SLC14A2: variants seen among roughly 807,000 people sequenced by gnomAD.
SLC14A2 encodes solute carrier family 14 member 2, also known as urea transporter 2.
Under a neutral mutation model 104.6 loss-of-function variants are expected in SLC14A2, and 91 were observed. The observed-to-expected ratio is 0.87, with a 90% CI of 0.73 to 1.04. The LOEUF (loss-of-function observed/expected upper bound fraction) is 1.04. Among genes scored for constraint, SLC14A2 ranks in the 50% least tolerant of loss-of-function variants. The pLI is 0.00. For synonymous variants in SLC14A2, 476 were observed against 466.4 expected (o/e 1.02, Z -0.27); for missense variants, 1,189 against 1,156.0 (o/e 1.03, Z -0.41).
the SLC14A2 span, among the ~76,000 whole-genome samples, chr18:45,200,421 C>A: frequency 1.3e-5 from 2 of 152,130 alleles, no homozygotes; most frequent in East Asian, 3.9e-4. Flanking sequence ...TTTGAAATGG[C>A]AAATAAATGT....
At chr18:45,549,628 T>C (rs2160853) in intron 2 of SLC14A2, among the ~76,000 whole-genome samples, 19,143 of 152,274 alleles carry the variant, frequency 0.13, 1,352 homozygotes, top group African/African-American at 0.17. Flanking sequence ...GCAAAAATGC[T>C]AGTCGGATGC....
chr18:45,216,203 T>A (rs1403386926), intron 1 of SLC14A2, among the ~76,000 whole-genome samples: 2 of 152,240 alleles, frequency 1.3e-5, no homozygotes, highest in African/African-American at 4.8e-5. Context: ...AATAGTTTTT[T>A]AAGTGTGGTT....
At chr18:45,369,643 G>T (rs1240864745) in intron 1 of SLC14A2, among the ~76,000 whole-genome samples, 2 of 152,194 alleles carry the variant, frequency 1.3e-5, no homozygotes, top group Non-Finnish European at 2.9e-5. Context: ...AAGCAAAGCT[G>T]TGAGAAAGGT....
chr18:45,250,735 C>T (rs1325044552), intron 1 of SLC14A2, among the ~76,000 whole-genome samples: 1 of 141,800 alleles, frequency 7.1e-6, no homozygotes, highest in Non-Finnish European at 1.5e-5. Context: ...CAACTGAATC[C>T]TCTGGCTAGT....
chr18:45,242,141 A>G (rs1207040729), intron 1 of SLC14A2, among the ~76,000 whole-genome samples: 1 of 152,098 alleles, frequency 6.6e-6, no homozygotes. Context: ...AGGTGGCTTG[A>G]ATAATTCCTG....
intron 1 of SLC14A2, among the ~76,000 whole-genome samples, chr18:45,329,347 G>A (rs190182997): frequency 2.6e-5 from 4 of 152,254 alleles, no homozygotes; most frequent in Admixed American, 6.5e-5. Flanking sequence ...TGATGAGTGT[G>A]TATGTGTGCA....
At chr18:45,494,560 GA>G (rs869270083) in intron 2 of SLC14A2, among the ~76,000 whole-genome samples, 134 of 150,344 alleles carry the variant, frequency 8.9e-4, no homozygotes, top group Admixed American at 1.4e-3. Flanking sequence ...ACCATGCCCA[GA>G]AAAAAAATTT....
chr18:45,446,791 G>A (rs1469286141), intron 1 of SLC14A2, among the ~76,000 whole-genome samples: 1 of 152,092 alleles, frequency 6.6e-6, no homozygotes, highest in African/African-American at 2.4e-5. Context: ...GAAGACCACT[G>A]GAAAGAAGTA....
intron 1 of SLC14A2, among the ~76,000 whole-genome samples, chr18:45,289,358 CCTCCATAGTGGTT>C (rs1286500251): frequency 6.6e-6 from 1 of 152,088 alleles, no homozygotes; most frequent in Non-Finnish European, 1.5e-5. Flanking sequence ...ACTTCAGTCA[CCTCCATAGTGGTT>C]CTTTGAGTCC....
At chr18:45,463,733 C>A (rs1478768975) in intron 1 of SLC14A2, among the ~76,000 whole-genome samples, 1 of 152,164 alleles carries the variant, frequency 6.6e-6, no homozygotes, top group Non-Finnish European at 1.5e-5. Context: ...TCACTGAACC[C>A]TATGGACATG....
At chr18:45,587,854 G>A (rs1313147162) in intron 2 of SLC14A2, among the ~76,000 whole-genome samples, 15 of 152,112 alleles carry the variant, frequency 9.9e-5, no homozygotes, top group Admixed American at 9.8e-4. Context: ...AAAACGCAGA[G>A]GGCACAAACC....
intron 1 of SLC14A2, among the ~76,000 whole-genome samples, chr18:45,342,104 G>T (rs1045332540): frequency 6.6e-6 from 1 of 152,166 alleles, no homozygotes; most frequent in African/African-American, 2.4e-5. Context: ...TGTGACCAGA[G>T]GCTTACAATG....
chr18:45,431,979 G>A (rs2086523803), intron 1 of SLC14A2, among the ~76,000 whole-genome samples: 1 of 152,144 alleles, frequency 6.6e-6, no homozygotes, highest in African/African-American at 2.4e-5. Flanking sequence ...GCAGTACAAT[G>A]GCAGAACTGA....
At chr18:45,665,987 A>C (rs1210858641) in intron 11 of SLC14A2, 150 bp from the exon 12 acceptor site, 6 of 582,108 alleles carry the variant, frequency 1.0e-5, no homozygotes, top group Non-Finnish European at 1.5e-5. Flanking sequence ...AGAGCCTTCG[A>C]GCTGCAAGGC....
In SLC14A2 at chr18:45,606,750, AAACAAAAAC is replaced by A. The variant is rs1360668056; in HGVS notation, c.-34-17878_-34-17870del. 5.8e-3 allele frequency among the ~76,000 whole-genome samples: 92 copies of A among 15,968 alleles called. 2 individuals carry two copies. The highest frequency in any genetic ancestry group is 0.012 in the African/African-American group (46 of 3,988). 10.5% of individuals were successfully genotyped at this position (15,968 alleles called of 152,430 possible). On this transcript the variant is annotated intron_variant, in intron 2 of 20. Coordinates refer to the SLC14A2 transcript ENST00000586448. Reference sequence around the variant, plus strand: ...AAGTCTAATTAAAAAAAAAAAAACAAAACAAAAACAAAAAAAAAAAACACTGGCTGCAAG... The same window carrying A: ...AAGTCTAATTAAAAAAAAAAAAACAAAAAAAAAAAAAACACTGGCTGCAAG...
At chr18:45,362,970 C>T (rs957438147) in intron 1 of SLC14A2, among the ~76,000 whole-genome samples, 3 of 152,114 alleles carry the variant, frequency 2.0e-5, no homozygotes, top group African/African-American at 7.2e-5. Context: ...AGCTTGACAA[C>T]CTCCAGCATA....
chr18:45,390,933 T>C (rs2085954201), intron 1 of SLC14A2, among the ~76,000 whole-genome samples: 1 of 152,262 alleles, frequency 6.6e-6, no homozygotes, highest in South Asian at 2.1e-4. Context: ...TGATGTTTTA[T>C]GTTTTTTTAT....
At chr18:45,310,726 C>T (rs760277429) in intron 1 of SLC14A2, among the ~76,000 whole-genome samples, 8 of 152,220 alleles carry the variant, frequency 5.3e-5, no homozygotes, top group Non-Finnish European at 8.8e-5. Flanking sequence ...GTCTCTATAA[C>T]AGCAAGATAT....
At chr18:45,602,885 A>T (rs1022024781) in intron 2 of SLC14A2, among the ~76,000 whole-genome samples, 1 of 152,212 alleles carries the variant, frequency 6.6e-6, no homozygotes, top group African/African-American at 2.4e-5. Context: ...TGTCAGCACA[A>T]CCAGCCAAGT....
Sources: gnomAD v4.1 joint callset for allele counts (sites outside exome capture counted in the v4.1 genomes callset) on GRCh38, gnomAD v4.1.1 for gene constraint, MANE v1.5 for transcripts, NCBI Gene and HGNC (gene_info 2026-07-23, HGNC 2026-07-21) for gene names.